GALNT18: variants seen among roughly 807,000 people sequenced by gnomAD.
GALNT18 encodes the protein polypeptide N-acetylgalactosaminyltransferase 18.
A neutral mutation model predicts 69.5 loss-of-function variants in GALNT18; 44 were observed. That is an observed-to-expected ratio of 0.63 (90% CI 0.50 to 0.81). The LOEUF (loss-of-function observed/expected upper bound fraction) is 0.81, where lower values mean the gene tolerates loss of function less well. Ranked by LOEUF, GALNT18 falls within the 40% of genes least tolerant of loss-of-function variation. The probability of loss-of-function intolerance (pLI) is 0.00; values close to 1 mark genes in which losing one functional copy is unlikely to be tolerated. For synonymous variants in GALNT18, 364 were observed against 318.2 expected, an observed-to-expected ratio of 1.14 and a Z score of -1.53; for missense variants, 715 against 810.0, an observed-to-expected ratio of 0.88 and a Z score of 1.42.
At chr11:11,455,926 T>A (rs12269876) in intron 1 of GALNT18, among the ~76,000 whole-genome samples, 1 of 151,718 alleles carries the variant, frequency 6.6e-6, no homozygotes, top group East Asian at 1.9e-4. Context: ...CCATCTCTAC[T>A]AAAAATACAA....
Position 11,379,244 on chromosome 11 carries a change from T to A in GALNT18, c.616A>T (p.Thr206Ser). 2.5e-6 allele frequency: 4 copies of A among 1,612,882 alleles called. No homozygotes were observed. The highest frequency in any genetic ancestry group is 3.4e-6 in the Non-Finnish European group (4 of 1,179,794). Residue 206 changes from threonine to serine, a missense_variant, in exon 4 of 11, where the codon ACC becomes TCC. Coordinates refer to ENST00000227756, the MANE Select transcript of GALNT18 (RefSeq NM_198516.3). Reference protein sequence around the residue: ...SSNEELKEKLTEYVDKVNSQK... With the variant: ...SSNEELKEKLSEYVDKVNSQK... ...CTGTTCACCTTGTCCACATATTCGG[T>A]CAGCTTCTCCTTCAGTTCCTCTGTC...
intron 1 of GALNT18, among the ~76,000 whole-genome samples, chr11:11,612,464 C>A (rs1859931283): frequency 6.6e-6 from 1 of 152,196 alleles, no homozygotes; most frequent in Admixed American, 6.5e-5. Context: ...ACTCTCATAT[C>A]CATTGGCCTA....
At position 11,377,645 on chromosome 11, in the gene GALNT18, C is replaced by T. The variant is rs946052036; in HGVS notation, c.780-266G>A. Among the ~76,000 whole-genome samples the T allele has an allele frequency of 6.7e-6, 1 of 149,274 alleles. No individual in the cohort carries two copies. The highest frequency in any genetic ancestry group is 2.5e-5 in the African/African-American group (1 of 40,240). On this transcript the variant is annotated intron_variant, in intron 4 of 10. Coordinates refer to ENST00000227756, the MANE Select transcript of GALNT18 (RefSeq NM_198516.3). This position sits in a 1 kb window ranked among gnomAD's most constrained non-coding sequence, Gnocchi z 4.6. ...ATTCTTATTCCAGCCAACCTTGTGCCTGCTCGCTTTCCCTTTCTCCATTAG... is the reference window on the plus strand; with the variant it reads ...ATTCTTATTCCAGCCAACCTTGTGCTTGCTCGCTTTCCCTTTCTCCATTAG...
At chr11:11,487,505 G>C (rs1856669655) in intron 1 of GALNT18, among the ~76,000 whole-genome samples, 3 of 152,172 alleles carry the variant, frequency 2.0e-5, no homozygotes, top group Non-Finnish European at 4.4e-5. Context: ...AATATATCCA[G>C]TGAATATGTA....
chr11:11,571,846 G>A (rs1015556664), intron 1 of GALNT18, among the ~76,000 whole-genome samples: 13 of 152,270 alleles, frequency 8.5e-5, no homozygotes, highest in Admixed American at 6.5e-5. Flanking sequence ...ACTTACTGAC[G>A]ACAGTATCTG....
intron 1 of GALNT18, among the ~76,000 whole-genome samples, chr11:11,482,857 T>C (rs1414775039): frequency 1.4e-5 from 2 of 147,880 alleles, no homozygotes; most frequent in African/African-American, 5.0e-5. Context: ...GCTACAAAGC[T>C]ATCCCTTGCT....
At chr11:11,426,073 C>T (rs945766186) in intron 3 of GALNT18, among the ~76,000 whole-genome samples, 8 of 152,124 alleles carry the variant, frequency 5.3e-5, no homozygotes, top group Non-Finnish European at 7.3e-5. Context: ...GGAAACATGG[C>T]CTTCGAGCTG....
Position 11,389,055 on chromosome 11 carries a change from A to G in GALNT18, c.596-9791T>C, listed in dbSNP as rs1015624015. ...ATTTGCCCAGTATCACAGAGCTAGAAGATGGCAGAGCTGAAAAGCAAACCC... is the reference window on the plus strand; with the variant it reads ...ATTTGCCCAGTATCACAGAGCTAGAGGATGGCAGAGCTGAAAAGCAAACCC... On this transcript the variant is annotated intron_variant, in intron 3 of 10. Coordinates refer to ENST00000227756, the MANE Select transcript of GALNT18 (RefSeq NM_198516.3). The surrounding 1 kb of genome is among the most constrained non-coding windows in gnomAD (Gnocchi z 4.3). Among the ~76,000 whole-genome samples, 1 of 152,230 alleles carries G rather than the reference A, an allele frequency of 6.6e-6. No individual in the cohort carries two copies. Among genetic ancestry groups the G allele is most frequent in the Admixed American group, 6.5e-5 (1 of 15,284 alleles).
intron 1 of GALNT18, among the ~76,000 whole-genome samples, chr11:11,453,231 G>A (rs868308399): frequency 3.9e-5 from 6 of 152,292 alleles, no homozygotes; most frequent in South Asian, 4.1e-4. Flanking sequence ...CCCTGGGCCA[G>A]GGGAAACATT....
intron 3 of GALNT18, among the ~76,000 whole-genome samples, chr11:11,380,249 T>C (rs374662756): frequency 6.6e-6 from 1 of 152,204 alleles, no homozygotes; most frequent in Non-Finnish European, 1.5e-5. Context: ...GGGACCTATT[T>C]TGGAGCCATA....
chr11:11,384,449 TA>T (rs1854002087), intron 3 of GALNT18, among the ~76,000 whole-genome samples: 1 of 152,102 alleles, frequency 6.6e-6, no homozygotes, highest in African/African-American at 2.4e-5. Flanking sequence ...CAAGGTAGCC[TA>T]AAGCTTCAAG....
chr11:11,474,136 C>G (rs76667182), intron 1 of GALNT18, among the ~76,000 whole-genome samples: 4 of 152,134 alleles, frequency 2.6e-5, no homozygotes, highest in Non-Finnish European at 5.9e-5. Flanking sequence ...AAACCAAGAA[C>G]CCAGGTCATC....
rs1850142938 is a variant in GALNT18, at chr11:11,338,015, G to A, written c.1278+2804C>T. ...GTCTCGCTCTGTCACCCAGGCTGGAGTGAGTGCAGTGGCACGATCTCAGCT... is the reference window on the plus strand; with the variant it reads ...GTCTCGCTCTGTCACCCAGGCTGGAATGAGTGCAGTGGCACGATCTCAGCT... On this transcript the variant is annotated intron_variant, in intron 7 of 10. Coordinates refer to ENST00000227756, the MANE Select transcript of GALNT18 (RefSeq NM_198516.3). The surrounding 1 kb of genome is among the most constrained non-coding windows in gnomAD (Gnocchi z 5.3). 1.4e-5 allele frequency among the ~76,000 whole-genome samples: 2 copies of A among 147,218 alleles called. No individual in the cohort carries two copies. Among genetic ancestry groups the A allele is most frequent in the South Asian group, 2.1e-4 (1 of 4,674 alleles).
At chr11:11,518,774 T>A (rs1857334752) in intron 1 of GALNT18, among the ~76,000 whole-genome samples, 1 of 152,192 alleles carries the variant, frequency 6.6e-6, no homozygotes, top group African/African-American at 2.4e-5. Context: ...GAGCAAAGTG[T>A]TAGTCATAGA....
chr11:11,426,836 C>G lies in GALNT18; in HGVS notation c.595+5785G>C, dbSNP rs578044750. 1.1e-4 allele frequency among the ~76,000 whole-genome samples: 16 copies of G among 152,084 alleles called. 1 individual carries two copies. Among genetic ancestry groups the G allele is most frequent in the Admixed American group, 5.9e-4 (9 of 15,286 alleles). ...AGGAGCAAGCTGTGCAGATATGGAG[C>G]AGGGTAGAGGGGAGGGGGTAGAAAG... is the stretch of plus-strand genomic sequence containing the variant. On this transcript the variant is annotated intron_variant, in intron 3 of 10. Coordinates refer to ENST00000227756, the MANE Select transcript of GALNT18 (RefSeq NM_198516.3).
intron 2 of GALNT18, among the ~76,000 whole-genome samples, chr11:11,445,162 C>A (rs932840918): frequency 6.6e-6 from 1 of 152,212 alleles, no homozygotes; most frequent in Admixed American, 6.5e-5. Context: ...CAAATAGATG[C>A]CTCAAGGCAG....
At position 11,605,791 on chromosome 11, in the gene GALNT18, C is replaced by A. The variant is rs1241566479; in HGVS notation, c.235+15568G>T. ...TAGATTGTTTTAGTTTGAAAGTGAC[C>A]ACAAGTGACAGCTTTATTAAAATGA... On this transcript the variant is annotated intron_variant, in intron 1 of 10. Transcript: ENST00000227756. The surrounding 1 kb of genome is among the most constrained non-coding windows in gnomAD (Gnocchi z 4.7). 6.6e-6 allele frequency among the ~76,000 whole-genome samples: 1 copy of A among 152,050 alleles called. No homozygotes were observed.
intron 3 of GALNT18, among the ~76,000 whole-genome samples, chr11:11,426,614 G>C (rs764557798): frequency 2.0e-5 from 3 of 152,204 alleles, no homozygotes; most frequent in Non-Finnish European, 4.4e-5. Flanking sequence ...TTACACACTG[G>C]GGGAGGGAAA....
rs1166621496 is a variant in GALNT18, at chr11:11,601,965, GT to G, written c.235+19393del. On this transcript the variant is annotated intron_variant, in intron 1 of 10. Coordinates refer to ENST00000227756, the MANE Select transcript of GALNT18 (RefSeq NM_198516.3). The surrounding 1 kb of genome is among the most constrained non-coding windows in gnomAD (Gnocchi z 4.0). ...GTCGTCTAGCTGGCCTACTCTGTTTGTTTTGTTGCTATTATGGAGCTACTAA... is the reference window on the plus strand; with the variant it reads ...GTCGTCTAGCTGGCCTACTCTGTTTGTTTGTTGCTATTATGGAGCTACTAA... Among the ~76,000 whole-genome samples the G allele has an allele frequency of 6.6e-6, 1 of 152,096 alleles. No individual in the cohort carries two copies. Among genetic ancestry groups the G allele is most frequent in the Non-Finnish European group, 1.5e-5 (1 of 68,006 alleles).
Sources: gnomAD v4.1 joint callset for allele counts (sites outside exome capture counted in the v4.1 genomes callset) on GRCh38, gnomAD v4.1.1 for gene constraint, Gnocchi (gnomAD v3.1) non-coding constraint, MANE v1.5 for transcripts, NCBI Gene and HGNC (gene_info 2026-07-23, HGNC 2026-07-21) for gene names.